The following NTM variants were observed in gnomAD, a reference collection of about 807,000 sequenced individuals.
NTM encodes neurotrimin.
Under a neutral mutation model 42.1 loss-of-function variants are expected in NTM, and 13 were observed. That is an observed-to-expected ratio of 0.31 (90% CI 0.20 to 0.49). The LOEUF (loss-of-function observed/expected upper bound fraction) is 0.49, where lower values mean the gene tolerates loss of function less well. Among genes scored for constraint, NTM ranks in the 20% least tolerant of loss-of-function variants. The pLI is 0.99. For synonymous variants in NTM, 187 were observed against 179.2 expected (o/e 1.04, Z -0.35); for missense variants, 373 against 452.8 (o/e 0.82, Z 1.60).
At chr11:132,147,332 C>T (rs1482841990) in intron 3 of NTM, among the ~76,000 whole-genome samples, 1 of 152,082 alleles carries the variant, frequency 6.6e-6, no homozygotes, top group Non-Finnish European at 1.5e-5. Context: ...TCAGACAACA[C>T]TTAACCCGGT....
At chr11:132,111,063 C>CAAAAAAAAA (rs57458373) in intron 2 of NTM, among the ~76,000 whole-genome samples, 11 of 35,464 alleles carry the variant, frequency 3.1e-4, no homozygotes, top group Non-Finnish European at 4.2e-4. Flanking sequence ...GGCCCTATCT[C>CAAAAAAAAA]AAAAAAAAAA....
At chr11:131,976,111 C>CATT (rs1378479688) in intron 2 of NTM, among the ~76,000 whole-genome samples, 2 of 144,210 alleles carry the variant, frequency 1.4e-5, no homozygotes, top group Non-Finnish European at 1.5e-5. Flanking sequence ...CTCCCTCCCT[C>CATT]CCTCATTCCT....
intron 1 of NTM, among the ~76,000 whole-genome samples, chr11:131,888,916 T>A (rs571907147): frequency 8.2e-4 from 124 of 151,590 alleles, no homozygotes; most frequent in Middle Eastern, 3.4e-3. Context: ...TTATTTTTTT[T>A]TTTTTTATTT....
Position 131,753,258 on chromosome 11 carries a change from T to A in NTM, c.83-158306T>A, listed in dbSNP as rs536513949. Among the ~76,000 whole-genome samples, 28 of 152,218 alleles carry A rather than the reference T, an allele frequency of 1.8e-4. No homozygotes were observed. The South Asian group carries it at 4.6e-3, about 25-fold the overall frequency. On this transcript the variant is annotated intron_variant, in intron 1 of 8. Transcript: ENST00000683400. ...AGGTAACAACAGGTGCTGGAGAGGA[T>A]ATGGAGAAATAGGAACACTTTTACA...
intron 4 of NTM, among the ~76,000 whole-genome samples, chr11:132,298,131 G>T (rs1324837565): frequency 6.6e-6 from 1 of 152,028 alleles, no homozygotes; most frequent in Non-Finnish European, 1.5e-5. Flanking sequence ...TCTGGGTGAG[G>T]AATTGAAAGC....
chr11:132,300,974 A>C (rs2094824911), intron 4 of NTM, among the ~76,000 whole-genome samples: 2 of 152,266 alleles, frequency 1.3e-5, no homozygotes, highest in South Asian at 2.1e-4. Context: ...GGTGTGAAGA[A>C]GGCCTTCCCC....
At chr11:131,580,774 C>T (rs962321809) in intron 1 of NTM, among the ~76,000 whole-genome samples, 4 of 152,154 alleles carry the variant, frequency 2.6e-5, no homozygotes, top group African/African-American at 9.7e-5. Flanking sequence ...TTGCATCATG[C>T]TTGTCCCATT....
intron 1 of NTM, among the ~76,000 whole-genome samples, chr11:131,787,488 C>A: frequency 6.6e-6 from 1 of 151,754 alleles, no homozygotes; most frequent in Middle Eastern, 3.4e-3. Context: ...TGGGTTCAAG[C>A]GATTCTCCTG....
At chr11:132,260,040 G>T (rs1445566486) in intron 4 of NTM, among the ~76,000 whole-genome samples, 1 of 152,154 alleles carries the variant, frequency 6.6e-6, no homozygotes, top group African/African-American at 2.4e-5. Flanking sequence ...GCGGGAGCAG[G>T]AGAGATGTAC....
intron 1 of NTM, among the ~76,000 whole-genome samples, chr11:131,453,495 A>C (rs1950634738): frequency 6.6e-6 from 1 of 152,120 alleles, no homozygotes; most frequent in African/African-American, 2.4e-5. Context: ...AGAGGTGGGA[A>C]AAGAAAGAGA....
chr11:132,068,658 C>T (rs1402779003), intron 2 of NTM, among the ~76,000 whole-genome samples: 1 of 152,228 alleles, frequency 6.6e-6, no homozygotes. Flanking sequence ...AAATCTGCAT[C>T]AGTCAGGGTT....
chr11:131,578,028 A>G (rs1440141260), intron 1 of NTM, among the ~76,000 whole-genome samples: 1 of 152,222 alleles, frequency 6.6e-6, no homozygotes, highest in Non-Finnish European at 1.5e-5. Context: ...TAACTGATCA[A>G]TGTCAAGCGG....
intron 1 of NTM, among the ~76,000 whole-genome samples, chr11:131,711,371 C>G (rs888313209): frequency 1.2e-4 from 18 of 152,152 alleles, no homozygotes; most frequent in African/African-American, 4.3e-4. Flanking sequence ...CCAAAAAACA[C>G]ATGAAAAAAT....
At chr11:131,405,766 TG>T (rs1945741291) in intron 1 of NTM, among the ~76,000 whole-genome samples, 1 of 152,226 alleles carries the variant, frequency 6.6e-6, no homozygotes, top group African/African-American at 2.4e-5. Context: ...TGTGGTCTGT[TG>T]GCCTCCACTT....
chr11:131,526,404 A>AGC (rs2050490792), intron 1 of NTM, among the ~76,000 whole-genome samples: 1 of 152,190 alleles, frequency 6.6e-6, no homozygotes, highest in East Asian at 1.9e-4. Context: ...CATAGATGGG[A>AGC]GCGTGCATCT....
intron 1 of NTM, among the ~76,000 whole-genome samples, chr11:131,481,007 G>T (rs1953521130): frequency 6.6e-6 from 1 of 152,158 alleles, no homozygotes; most frequent in Non-Finnish European, 1.5e-5. Flanking sequence ...TAGAAGTAGG[G>T]AGGGTGGTAG....
chr11:132,277,303 G>T (rs559700299), intron 4 of NTM, among the ~76,000 whole-genome samples: 2 of 152,040 alleles, frequency 1.3e-5, no homozygotes, highest in African/African-American at 4.8e-5. Flanking sequence ...TAATGACTTT[G>T]CCTTGACTGG....
intron 4 of NTM, among the ~76,000 whole-genome samples, chr11:132,277,809 T>C (rs1274440205): frequency 1.3e-5 from 2 of 151,324 alleles, no homozygotes; most frequent in Non-Finnish European, 3.0e-5. Flanking sequence ...TTGGTGCTAT[T>C]TCTATCATGC....
At chr11:132,170,905 G>A (rs574204625) in intron 3 of NTM, among the ~76,000 whole-genome samples, 1 of 152,178 alleles carries the variant, frequency 6.6e-6, no homozygotes, top group Non-Finnish European at 1.5e-5. Context: ...CGGTATTTGA[G>A]GATGCCTATT....
Sources: gnomAD v4.1 joint callset for allele counts (sites outside exome capture counted in the v4.1 genomes callset) on GRCh38, gnomAD v4.1.1 for gene constraint, MANE v1.5 for transcripts, NCBI Gene and HGNC (gene_info 2026-07-23, HGNC 2026-07-21) for gene names.